FARS2: variants seen among roughly 807,000 people sequenced by gnomAD.
FARS2 encodes the protein phenylalanine--tRNA ligase, mitochondrial.
Under a neutral mutation model 46.4 loss-of-function variants are expected in FARS2, and 40 were observed. The ratio of observed to expected loss-of-function variants is 0.86; its 90% CI spans 0.67 to 1.12. The LOEUF (loss-of-function observed/expected upper bound fraction) is 1.12, where lower values mean the gene tolerates loss of function less well. FARS2 is among the 50% of genes most tolerant of loss of function. FARS2 has a pLI of 0.00. For missense variants in FARS2, 513 were observed against 567.9 expected (o/e 0.90, Z 0.98); for synonymous variants, 234 against 214.9 (o/e 1.09, Z -0.78).
chr6:5,666,091 G>C (rs945395694), intron 6 of FARS2, among the ~76,000 whole-genome samples: 1 of 152,166 alleles, frequency 6.6e-6, no homozygotes, highest in African/African-American at 2.4e-5. Context: ...TACCGCACTT[G>C]AAAAGACTAT....
chr6:5,280,154 T>A (rs1048962834), intron 1 of FARS2, among the ~76,000 whole-genome samples: 5 of 152,200 alleles, frequency 3.3e-5, no homozygotes, highest in Admixed American at 2.0e-4. Context: ...CTGCTTGAAG[T>A]CTATGTGCAT....
intron 3 of FARS2, among the ~76,000 whole-genome samples, chr6:5,409,829 C>T (rs549035165): frequency 6.6e-6 from 1 of 152,220 alleles, no homozygotes; most frequent in South Asian, 2.1e-4. Context: ...CATTCACACA[C>T]CCTTGCCATG....
At chr6:5,659,651 T>C (rs921134319) in intron 6 of FARS2, among the ~76,000 whole-genome samples, 1 of 152,228 alleles carries the variant, frequency 6.6e-6, no homozygotes, top group Non-Finnish European at 1.5e-5. Context: ...CACTTAGGAA[T>C]GCCTGAGCTA....
At chr6:5,264,958 A>C (rs561253172) in intron 1 of FARS2, among the ~76,000 whole-genome samples, 1 of 144,476 alleles carries the variant, frequency 6.9e-6, no homozygotes, top group South Asian at 2.3e-4. Flanking sequence ...CATGCCTGGC[A>C]GATTTTTAAG....
At chr6:5,483,675 A>G (rs1011978399) in intron 4 of FARS2, among the ~76,000 whole-genome samples, 2 of 151,960 alleles carry the variant, frequency 1.3e-5, no homozygotes, top group Non-Finnish European at 2.9e-5. Context: ...TCAAAAAATA[A>G]ATAAATAAAT....
intron 4 of FARS2, among the ~76,000 whole-genome samples, chr6:5,477,065 C>T (rs1766167772): frequency 6.6e-6 from 1 of 152,228 alleles, no homozygotes; most frequent in African/African-American, 2.4e-5. Context: ...TGGTACTTCT[C>T]TTTCCTAGTT....
intron 6 of FARS2, among the ~76,000 whole-genome samples, chr6:5,633,686 AT>A (rs758365332): frequency 1.4e-4 from 22 of 152,200 alleles, no homozygotes; most frequent in Non-Finnish European, 2.6e-4. Context: ...CTATTTTAAT[AT>A]TTTAACCCTT....
intron 1 of FARS2, among the ~76,000 whole-genome samples, chr6:5,325,560 C>A (rs935611639): frequency 6.6e-6 from 1 of 152,154 alleles, no homozygotes; most frequent in African/African-American, 2.4e-5. Flanking sequence ...GGTAGTATAT[C>A]GTAGGGCCCA....
At chr6:5,366,765 A>G (rs1245061907) in intron 1 of FARS2, among the ~76,000 whole-genome samples, 2 of 152,236 alleles carry the variant, frequency 1.3e-5, no homozygotes, top group African/African-American at 2.4e-5. Flanking sequence ...AACTTTGTCT[A>G]ACACATATGC....
At chr6:5,476,299 C>T (rs1766119677) in intron 4 of FARS2, among the ~76,000 whole-genome samples, 1 of 152,204 alleles carries the variant, frequency 6.6e-6, no homozygotes, top group Admixed American at 6.5e-5. Context: ...TTTCTATTAC[C>T]TGAGTGGGAA....
chr6:5,501,502 T>C (rs1472210309), intron 4 of FARS2, among the ~76,000 whole-genome samples: 7 of 152,074 alleles, frequency 4.6e-5, no homozygotes, highest in Admixed American at 4.6e-4. Flanking sequence ...TTTTTATTTA[T>C]TTATTTATTT....
chr6:5,533,227 T>G (rs1337798136), intron 4 of FARS2, among the ~76,000 whole-genome samples: 1 of 152,204 alleles, frequency 6.6e-6, no homozygotes, highest in African/African-American at 2.4e-5. Context: ...TTCACTTGTT[T>G]CTGTTACTTT....
intron 1 of FARS2, among the ~76,000 whole-genome samples, chr6:5,312,955 T>G (rs999648223): frequency 9.2e-5 from 14 of 152,144 alleles, no homozygotes; most frequent in Non-Finnish European, 1.6e-4. Context: ...TAATAGGGGA[T>G]GTATGAATTG....
chr6:5,345,211 C>T (rs541514723), intron 1 of FARS2, among the ~76,000 whole-genome samples: 28 of 148,966 alleles, frequency 1.9e-4, no homozygotes, highest in African/African-American at 5.7e-4. Flanking sequence ...AAAAAAAAAA[C>T]GCCATTATAA....
At chr6:5,739,232 A>T (rs558589520) in intron 6 of FARS2, among the ~76,000 whole-genome samples, 1 of 152,156 alleles carries the variant, frequency 6.6e-6, no homozygotes, top group African/African-American at 2.4e-5. Context: ...GCAGTGGCTC[A>T]TGCCTGTAAT....
chr6:5,374,457 C>A (rs973299787), intron 2 of FARS2, among the ~76,000 whole-genome samples: 2 of 152,002 alleles, frequency 1.3e-5, no homozygotes, highest in Non-Finnish European at 2.9e-5. Context: ...TAATAGAAAA[C>A]TGAAAGCAAT....
chr6:5,392,208 C>T (rs1464065595), intron 2 of FARS2, among the ~76,000 whole-genome samples: 1 of 152,114 alleles, frequency 6.6e-6, no homozygotes, highest in African/African-American at 2.4e-5. Flanking sequence ...AGTTTCCTAT[C>T]CTTATATGGC....
intron 4 of FARS2, among the ~76,000 whole-genome samples, chr6:5,510,684 C>G (rs943251747): frequency 6.6e-6 from 1 of 152,204 alleles, no homozygotes; most frequent in Non-Finnish European, 1.5e-5. Context: ...GAAGCGAGTA[C>G]GTGAGTGCTG....
At chr6:5,636,437 C>T (rs1354979537) in intron 6 of FARS2, among the ~76,000 whole-genome samples, 1 of 152,176 alleles carries the variant, frequency 6.6e-6, no homozygotes, top group Admixed American at 6.5e-5. Flanking sequence ...AGTGAGGCAT[C>T]CTTTTACCCT....
Sources: allele counts gnomAD v4.1 joint callset (sites outside exome capture counted in the v4.1 genomes callset), GRCh38; gene constraint gnomAD v4.1.1; transcripts MANE v1.5; gene names NCBI Gene and HGNC (gene_info 2026-07-23, HGNC 2026-07-21).